DMD: variants seen among roughly 807,000 people sequenced by gnomAD.
DMD encodes dystrophin.
DMD carries 63 observed loss-of-function variants against 330.1 expected under a neutral mutation model. The ratio of observed to expected loss-of-function variants is 0.19; its 90% CI spans 0.16 to 0.24. The LOEUF (loss-of-function observed/expected upper bound fraction) is 0.24, where lower values mean the gene tolerates loss of function less well. Ranked by LOEUF, DMD falls within the 10% of genes least tolerant of loss-of-function variation. The pLI, the probability that DMD is intolerant of heterozygous loss-of-function variation, is 1.00. For synonymous variants in DMD, 1,223 were observed against 959.8 expected, an observed-to-expected ratio of 1.27 and a Z score of -5.07; for missense variants, 3,344 against 2,684.1, an observed-to-expected ratio of 1.25 and a Z score of -5.43.
At chrX:31,244,719 G>T (rs2048668556) in intron 63 of DMD, among the ~76,000 whole-genome samples, 1 of 111,813 alleles carries the variant, frequency 8.9e-6, no homozygotes, top group African/African-American at 3.2e-5. Flanking sequence ...ATATAAAAAT[G>T]CATAGGAAAG....
chrX:31,296,229 CTGAA>C (rs1337855747), intron 62 of DMD, among the ~76,000 whole-genome samples: 102 of 111,107 alleles, frequency 9.2e-4, no homozygotes, highest in African/African-American at 3.1e-3. Context: ...TGGGAATAAA[CTGAA>C]TGATTGCTCT....
intron 2 of DMD, among the ~76,000 whole-genome samples, chrX:32,938,910 C>T (rs1015713793): frequency 1.8e-5 from 2 of 110,017 alleles, no homozygotes; most frequent in Non-Finnish European, 3.8e-5. Flanking sequence ...ATGATGGAAT[C>T]CCTGAGGATA....
chrX:31,549,715 A>G (rs2074366562), intron 55 of DMD, among the ~76,000 whole-genome samples: 1 of 112,645 alleles, frequency 8.9e-6, no homozygotes, highest in Non-Finnish European at 1.9e-5. Flanking sequence ...GCTAAAACGC[A>G]TGATTTTAAG....
chrX:32,572,498 C>T (rs770649588), intron 15 of DMD, among the ~76,000 whole-genome samples: 15 of 108,570 alleles, frequency 1.4e-4, no homozygotes, highest in Admixed American at 4.0e-4. Context: ...AGTATCAGAC[C>T]GGCCTCTTTT....
At chrX:32,440,863 A>C (rs2098279145) in intron 28 of DMD, among the ~76,000 whole-genome samples, 1 of 111,285 alleles carries the variant, frequency 9.0e-6, no homozygotes, top group Non-Finnish European at 1.9e-5. Context: ...ATTAGCCCTA[A>C]AGCAGTGAGT....
At chrX:31,227,105 T>C (rs1286745066) in intron 63 of DMD, among the ~76,000 whole-genome samples, 2 of 111,425 alleles carry the variant, frequency 1.8e-5, no homozygotes, top group Non-Finnish European at 3.8e-5. Flanking sequence ...CTATCATCTT[T>C]CTTCTTTCAA....
At chrX:32,403,623 T>G (rs1332781804) in intron 30 of DMD, among the ~76,000 whole-genome samples, 1 of 111,841 alleles carries the variant, frequency 8.9e-6, no homozygotes, top group Admixed American at 9.5e-5. Context: ...TTTCCCACAC[T>G]ATTAAACATA....
chrX:33,124,490 A>ACAAAAAC (rs1315015007), intron 1 of DMD, among the ~76,000 whole-genome samples: 157 of 104,727 alleles, frequency 1.5e-3, no homozygotes, highest in African/African-American at 5.3e-3. Context: ...AAAAAAAAAA[A>ACAAAAAC]AAAAAAAAAA....
chrX:33,170,840 T>C (rs1278387677), intron 1 of DMD, among the ~76,000 whole-genome samples: 2 of 111,784 alleles, frequency 1.8e-5, no homozygotes, highest in African/African-American at 6.5e-5. Context: ...AATCTGTGAA[T>C]TTCTGTAGTA....
chrX:32,207,895 C>T (rs1436259987), intron 44 of DMD, among the ~76,000 whole-genome samples: 2 of 111,132 alleles, frequency 1.8e-5, no homozygotes, highest in African/African-American at 6.5e-5. Flanking sequence ...ATACAACAGC[C>T]ATAAATTATA....
chrX:32,659,936 T>C (rs2060837465), intron 9 of DMD, among the ~76,000 whole-genome samples: 1 of 110,958 alleles, frequency 9.0e-6, no homozygotes, highest in Non-Finnish European at 1.9e-5. Context: ...GGGAAGACTC[T>C]GGTAGATTTC....
chrX:32,451,561 C>T (rs1305293849), intron 26 of DMD, among the ~76,000 whole-genome samples: 1 of 110,388 alleles, frequency 9.1e-6, no homozygotes, highest in Non-Finnish European at 1.9e-5. Flanking sequence ...AAAAAACTTT[C>T]CTTTTCAGGG....
chrX:31,415,366 C>A (rs1398458623), intron 60 of DMD, among the ~76,000 whole-genome samples: 1 of 112,205 alleles, frequency 8.9e-6, no homozygotes, highest in Non-Finnish European at 1.9e-5. Context: ...TCAACAAATT[C>A]TCTATTTACC....
chrX:31,229,656 T>C (rs754166165), intron 63 of DMD, among the ~76,000 whole-genome samples: 231 of 111,928 alleles, frequency 2.1e-3, no homozygotes, highest in African/African-American at 7.1e-3. Flanking sequence ...GGGAGTATTG[T>C]TCTAAATTCA....
chrX:32,000,274 C>G (rs1037374668), intron 44 of DMD, among the ~76,000 whole-genome samples: 14 of 111,977 alleles, frequency 1.3e-4, no homozygotes, highest in African/African-American at 4.5e-4. Context: ...ACCTTCAATG[C>G]CTTCTAAAAC....
Position 31,968,464 on chromosome X carries a change from A to T in DMD, c.6489T>A (p.Asn2163Lys), listed in dbSNP as rs1057523928. The part of the protein sequence containing the change: ...GQRQTVVRTL[N>K]ATGEEIIQQS... The stretch of plus-strand genomic sequence containing the variant: ...GCTGAATTATTTCTTCCCCAGTTGC[A>T]TTCAATGTTCTGACAACAGTTTGCC... Residue 2163 changes from asparagine (N) to lysine (K), a missense_variant, in exon 45 of 79, where the codon AAT becomes AAA. Physicochemically the swap from Asn to Lys is moderately conservative, Grantham distance 94 (BLOSUM62 0). Transcript: ENST00000357033. The T allele has an allele frequency of 4.1e-6, 5 of 1,210,754 alleles. No homozygotes were observed. Among genetic ancestry groups the T allele is most frequent in the Non-Finnish European group, 5.6e-6 (5 of 894,897 alleles).
chrX:32,355,364 C>G (rs1165234259), intron 37 of DMD, among the ~76,000 whole-genome samples: 2 of 111,188 alleles, frequency 1.8e-5, no homozygotes, highest in Non-Finnish European at 3.8e-5. Flanking sequence ...CTCTCACAAC[C>G]TCCTATAAAT....
intron 45 of DMD, among the ~76,000 whole-genome samples, chrX:31,954,143 G>A (rs1302276024): frequency 1.8e-5 from 2 of 110,983 alleles, no homozygotes; most frequent in Non-Finnish European, 3.8e-5. Context: ...AGGGTCCCAC[G>A]TGACCCATAT....
At chrX:33,142,427 T>C (rs2047842727) in intron 1 of DMD, among the ~76,000 whole-genome samples, 1 of 113,126 alleles carries the variant, frequency 8.8e-6, no homozygotes, top group Non-Finnish European at 1.9e-5. Context: ...CAATTTTTAC[T>C]TTGAATAATC....
Sources: gnomAD v4.1 joint callset for allele counts (sites outside exome capture counted in the v4.1 genomes callset) on GRCh38, gnomAD v4.1.1 for gene constraint, MANE v1.5 for transcripts, NCBI Gene and HGNC (gene_info 2026-07-23, HGNC 2026-07-21) for gene names.